Variants in AGBL1 observed in about 807,000 individuals in gnomAD.
The protein encoded by AGBL1 is cytosolic carboxypeptidase 4.
Under a neutral mutation model 118.9 loss-of-function variants are expected in AGBL1, and 130 were observed. The ratio of observed to expected loss-of-function variants is 1.09; its 90% CI spans 0.95 to 1.26. The LOEUF is 1.26. Ranked by LOEUF, AGBL1 falls within the 50% of genes most tolerant of loss-of-function variation. AGBL1 has a pLI of 0.00. For missense variants in AGBL1, 1,584 were observed against 1,298.1 expected (o/e 1.22, Z -3.38); for synonymous variants, 555 against 478.9 (o/e 1.16, Z -2.08).
downstream of AGBL1, among the ~76,000 whole-genome samples, chr15:86,917,381 A>G (rs188051982): frequency 8.2e-4 from 125 of 152,200 alleles, no homozygotes; most frequent in African/African-American, 2.9e-3. The surrounding 1 kb of genome is among the most constrained non-coding windows in gnomAD (Gnocchi z 4.8). Flanking sequence ...GGCTCTTTGC[A>G]CACACTCAGG....
At chr15:86,392,440 T>C (rs181695202) in intron 17 of AGBL1, among the ~76,000 whole-genome samples, 8 of 152,298 alleles carry the variant, frequency 5.3e-5, no homozygotes, top group African/African-American at 1.7e-4. Context: ...TGGCATTGGA[T>C]TGTAATTATC....
At chr15:86,130,474 T>C (rs1253413630) in intron 1 of AGBL1, among the ~76,000 whole-genome samples, 1 of 152,034 alleles carries the variant, frequency 6.6e-6, no homozygotes, top group Non-Finnish European at 1.5e-5. Context: ...GCAAGTGGGG[T>C]CCAGGGAAAG....
At position 86,467,234 on chromosome 15, in the gene AGBL1, C is replaced by T. The variant is rs570507295; in HGVS notation, c.2556-55576C>T. Among the ~76,000 whole-genome samples the T allele has an allele frequency of 1.9e-3, 289 of 152,234 alleles. 6 individuals are homozygous for T. The South Asian group carries it at 0.044, about 23-fold the overall frequency. ...GGCTTTGGAGAGCTGTGGTGGGCTC[C>T]GCCCAGTCCGAACTTCCTGATGGCT... is the stretch of plus-strand genomic sequence containing the variant. On this transcript the variant is annotated intron_variant, in intron 18 of 22. Coordinates refer to ENST00000614907, the MANE Select transcript of AGBL1 (RefSeq NM_001386094.1).
At chr15:86,411,212 G>A (rs2081615108) in intron 18 of AGBL1, among the ~76,000 whole-genome samples, 1 of 151,846 alleles carries the variant, frequency 6.6e-6, no homozygotes, top group African/African-American at 2.4e-5. Context: ...GCTTTTCAGG[G>A]TGTCTGTAAT....
intron 5 of AGBL1, among the ~76,000 whole-genome samples, chr15:86,191,598 AT>A (rs1280074061): frequency 6.6e-6 from 1 of 152,042 alleles, no homozygotes; most frequent in Non-Finnish European, 1.5e-5. Context: ...GTCTTTCTGA[AT>A]AGAAAGAGAG....
chr15:86,473,195 C>A (rs9673097), intron 18 of AGBL1, among the ~76,000 whole-genome samples: 70,239 of 151,912 alleles, frequency 0.46, 16,842 homozygotes, highest in Middle Eastern at 0.57. Context: ...GGTTTGGGTA[C>A]TGGATTTTGT....
chr15:86,973,895 A>T lies in AGBL1; in HGVS notation c.3222-14092A>T, dbSNP rs2081136700. Among the ~76,000 whole-genome samples, 5 of 121,022 alleles carry T rather than the reference A, an allele frequency of 4.1e-5. No individual in the cohort carries two copies. In the South Asian group the frequency reaches 1.3e-3, roughly 32 times the overall value. The allele number at this position is 121,022 out of a possible 152,430, so 79.4% of individuals were successfully genotyped here. ...TGCAATGTGCCATGAATATATACAT[A>T]TATATATTAAATATAAACATATTTA... On this transcript the variant is annotated intron_variant, in intron 23 of 24. Transcript: ENST00000441037.
At chr15:87,029,464 T>C (rs2081765500), downstream of AGBL1, among the ~76,000 whole-genome samples, 1 of 150,222 alleles carries the variant, frequency 6.7e-6, no homozygotes, top group Non-Finnish European at 1.5e-5. Context: ...TCTTAGATCC[T>C]CTTTCAAAGG....
chr15:86,313,495 A>G (rs920120973), intron 17 of AGBL1, among the ~76,000 whole-genome samples: 1 of 152,226 alleles, frequency 6.6e-6, no homozygotes, highest in African/African-American at 2.4e-5. Context: ...CTAATTCACA[A>G]GGAAAAGGAA....
At chr15:86,779,490 C>A (rs1349260471) in intron 22 of AGBL1, among the ~76,000 whole-genome samples, 1 of 152,102 alleles carries the variant, frequency 6.6e-6, no homozygotes, top group Non-Finnish European at 1.5e-5. Context: ...AGTGGGGGAC[C>A]ATTATAAATA....
intron 21 of AGBL1, among the ~76,000 whole-genome samples, chr15:86,610,488 C>T (rs555699092): frequency 1.3e-3 from 202 of 152,188 alleles, no homozygotes; most frequent in Non-Finnish European, 2.1e-3. Context: ...GTACTTTGGG[C>T]GACAGCTAAA....
At chr15:86,149,124 G>T (rs1324270112) in intron 3 of AGBL1, among the ~76,000 whole-genome samples, 1 of 152,180 alleles carries the variant, frequency 6.6e-6, no homozygotes, top group Non-Finnish European at 1.5e-5. Flanking sequence ...GCTCCTGAAG[G>T]AAGCACTAAA....
intron 17 of AGBL1, among the ~76,000 whole-genome samples, chr15:86,353,172 T>C (rs1055149339): frequency 1.3e-5 from 2 of 152,202 alleles, no homozygotes; most frequent in African/African-American, 4.8e-5. Flanking sequence ...TTTTATACCA[T>C]GCTTTGCAGA....
chr15:86,638,906 A>G (rs573841888), intron 21 of AGBL1, among the ~76,000 whole-genome samples: 4 of 152,080 alleles, frequency 2.6e-5, no homozygotes, highest in African/African-American at 7.2e-5. Context: ...CATCGTAGTT[A>G]TTTCAGGTTT....
At chr15:86,476,329 G>T (rs2082558533) in intron 18 of AGBL1, among the ~76,000 whole-genome samples, 1 of 152,154 alleles carries the variant, frequency 6.6e-6, no homozygotes, top group Non-Finnish European at 1.5e-5. Context: ...CTGTATTCAG[G>T]AGACCCATCT....
intron 23 of AGBL1, among the ~76,000 whole-genome samples, chr15:86,949,351 C>G (rs951541494): frequency 1.4e-4 from 22 of 152,190 alleles, no homozygotes; most frequent in Non-Finnish European, 3.1e-4. Flanking sequence ...AAAGAAGAAA[C>G]TGTAGCGAGG....
intron 21 of AGBL1, among the ~76,000 whole-genome samples, chr15:86,631,335 C>G (rs951804759): frequency 6.6e-6 from 1 of 152,118 alleles, no homozygotes; most frequent in South Asian, 2.1e-4. Flanking sequence ...TCATTGAGCA[C>G]TCTTTGTGCT....
intron 22 of AGBL1, among the ~76,000 whole-genome samples, chr15:86,724,277 A>C (rs1327031137): frequency 3.3e-5 from 5 of 150,662 alleles, no homozygotes; most frequent in Non-Finnish European, 7.4e-5. Context: ...TATGACCATG[A>C]CAGTGAATGG....
intron 19 of AGBL1, among the ~76,000 whole-genome samples, chr15:86,544,317 G>T (rs1375430141): frequency 6.6e-6 from 1 of 152,146 alleles, no homozygotes; most frequent in Admixed American, 6.5e-5. Flanking sequence ...GTTTACTCAC[G>T]TGATGGTTGT....
Sources: gnomAD v4.1 joint callset for allele counts (sites outside exome capture counted in the v4.1 genomes callset) on GRCh38, gnomAD v4.1.1 for gene constraint, Gnocchi (gnomAD v3.1) non-coding constraint, MANE v1.5 for transcripts, NCBI Gene and HGNC (gene_info 2026-07-23, HGNC 2026-07-21) for gene names.